Variants in TSPEAR observed in about 807,000 individuals in gnomAD.
The protein encoded by TSPEAR is thrombospondin-type laminin G domain and EAR repeat-containing protein.
TSPEAR carries 69 observed loss-of-function variants against 71.6 expected under a neutral mutation model. The observed-to-expected ratio is 0.96, with a 90% CI of 0.79 to 1.18. The LOEUF (loss-of-function observed/expected upper bound fraction) is 1.18. Ranked by LOEUF, TSPEAR falls within the 50% of genes most tolerant of loss-of-function variation. The pLI is 0.00. For missense variants in TSPEAR, 971 were observed against 894.9 expected (o/e 1.09, Z -1.09); for synonymous variants, 402 against 387.2 (o/e 1.04, Z -0.45).
intron 2 of TSPEAR, among the ~76,000 whole-genome samples, chr21:44,547,442 T>C (rs1555917844): frequency 6.6e-6 from 1 of 152,232 alleles, no homozygotes; most frequent in African/African-American, 2.4e-5. Flanking sequence ...CTCATATTTC[T>C]TCCCACTTTG....
chr21:44,611,207 T>C (rs1601483780), intron 1 of TSPEAR, among the ~76,000 whole-genome samples: 1 of 152,282 alleles, frequency 6.6e-6, no homozygotes, highest in Non-Finnish European at 1.5e-5. Flanking sequence ...CAGAATGATA[T>C]GGTTTGGCTG....
chr21:44,601,836 C>A, intron 1 of TSPEAR: 1 of 1,433,818 alleles, frequency 7.0e-7, no homozygotes, highest in East Asian at 2.4e-5. Flanking sequence ...CTAAGCCCTG[C>A]AGTGGACGTC....
intron 1 of TSPEAR, among the ~76,000 whole-genome samples, chr21:44,655,086 T>C (rs182010762): frequency 6.6e-6 from 1 of 152,212 alleles, no homozygotes; most frequent in Non-Finnish European, 1.5e-5. Context: ...ATAATAATGA[T>C]GATTATTGAG....
At chr21:44,595,007 A>G (rs1395772324) in intron 1 of TSPEAR, among the ~76,000 whole-genome samples, 1 of 151,916 alleles carries the variant, frequency 6.6e-6, no homozygotes, top group Non-Finnish European at 1.5e-5. Context: ...TTTTTAGTAG[A>G]GACAGGGTTT....
intron 1 of TSPEAR, among the ~76,000 whole-genome samples, chr21:44,674,166 A>C (rs1430504448): frequency 6.6e-6 from 1 of 151,892 alleles, no homozygotes; most frequent in Non-Finnish European, 1.5e-5. Context: ...CCAATGATGC[A>C]CCTCAAGGAA....
chr21:44,678,600 A>C (rs56019874), intron 1 of TSPEAR, among the ~76,000 whole-genome samples: 7,259 of 152,278 alleles, frequency 0.048, 194 homozygotes, highest in Middle Eastern at 0.13. Flanking sequence ...ACACCTATTC[A>C]ACATAGTACT....
At chr21:44,696,006 G>A (rs76471287) in intron 1 of TSPEAR, among the ~76,000 whole-genome samples, 1,730 of 152,242 alleles carry the variant, frequency 0.011, 29 homozygotes, top group African/African-American at 0.04. Flanking sequence ...AAAGGCTGCC[G>A]AATGTCTTCT....
chr21:44,696,862 G>A (rs1452335239), intron 1 of TSPEAR, among the ~76,000 whole-genome samples: 3 of 152,150 alleles, frequency 2.0e-5, no homozygotes, highest in East Asian at 3.8e-4. Context: ...GCTAAGCTAC[G>A]CTACACGGTT....
At chr21:44,587,166 G>C (rs426512) in intron 1 of TSPEAR, among the ~76,000 whole-genome samples, 143,938 of 152,278 alleles carry the variant, frequency 0.95, 68,173 homozygotes, top group Non-Finnish European at 0.97. Context: ...AAAGCTCCTA[G>C]AACTGATAAA....
chr21:44,542,766 A>G (rs1332926992), intron 2 of TSPEAR, among the ~76,000 whole-genome samples: 1 of 150,740 alleles, frequency 6.6e-6, no homozygotes, highest in Non-Finnish European at 1.5e-5. Flanking sequence ...AAAGAAAAAG[A>G]AAAGAAAAAA....
At position 44,574,113 on chromosome 21, in the gene TSPEAR, T is replaced by C. The variant is rs79601471; in HGVS notation, c.83-6108A>G. 6.9e-3 allele frequency: 10,897 copies of C among 1,589,926 alleles called. 32 individuals carry two copies. In the African/African-American group the frequency reaches 0.14, roughly 20 times the overall value. On this transcript the variant is annotated intron_variant, in intron 1 of 11. Transcript: ENST00000323084. ...CGTGCCCGTCTGCTGCAAGACTGTC[T>C]GCTGCAAGCCTGTGTGCTGTGTGCC...
intron 1 of TSPEAR, among the ~76,000 whole-genome samples, chr21:44,588,701 T>TATATTTATAC (rs61198070): frequency 3.5e-5 from 5 of 143,028 alleles, no homozygotes; most frequent in African/African-American, 5.1e-5. Flanking sequence ...TATATATTTA[T>TATATTTATAC]ATATATAAAC....
rs186684760 is a variant in TSPEAR at position 44,501,471 on chromosome 21, C to T, written c.1857-1535G>A. Reference sequence around the variant, plus strand: ...AATTAGCCAGGTGTGGTGGCAGGTGCCTGTAGTCCCAGCTACTCAGGAGGC... The same window carrying T: ...AATTAGCCAGGTGTGGTGGCAGGTGTCTGTAGTCCCAGCTACTCAGGAGGC... On this transcript the variant is annotated intron_variant, in intron 11 of 11. Transcript: ENST00000323084. 3.3e-5 allele frequency among the ~76,000 whole-genome samples: 5 copies of T among 152,314 alleles called. No individual in the cohort carries two copies. In the East Asian group the frequency reaches 9.6e-4, roughly 29 times the overall value.
At chr21:44,641,670 G>C (rs1218884569) in intron 1 of TSPEAR, among the ~76,000 whole-genome samples, 2 of 152,220 alleles carry the variant, frequency 1.3e-5, no homozygotes, top group Non-Finnish European at 2.9e-5. Flanking sequence ...TGACGAGGGA[G>C]GGGTCTGGTG....
rs587761930 is a variant in TSPEAR at position 44,564,012 on chromosome 21, C to A, written c.303+3773G>T. ...GGCCATTTTAAACAGTAAAGTCACC[C>A]AAAAAATCACAAAAATGTGAAAATG... On this transcript the variant is annotated intron_variant, in intron 2 of 11. Coordinates refer to ENST00000323084, the MANE Select transcript of TSPEAR (RefSeq NM_144991.3). Among the ~76,000 whole-genome samples, 5 of 151,014 alleles carry A rather than the reference C, an allele frequency of 3.3e-5. No homozygotes were observed. The East Asian group carries it at 9.8e-4, about 29-fold the overall frequency.
intron 1 of TSPEAR, among the ~76,000 whole-genome samples, chr21:44,688,446 C>T (rs1394112210): frequency 2.6e-5 from 4 of 152,254 alleles, no homozygotes; most frequent in South Asian, 2.1e-4. Context: ...GACGGCCGGG[C>T]GCGGTGGCTC....
intron 2 of TSPEAR, among the ~76,000 whole-genome samples, chr21:44,555,550 C>T (rs1372802155): frequency 1.3e-5 from 2 of 152,210 alleles, no homozygotes; most frequent in African/African-American, 2.4e-5. Context: ...CTTGGCTAGG[C>T]CAGCTGGCCA....
intron 4 of TSPEAR, 108 bp from the exon 5 acceptor site, chr21:44,530,062 G>T: frequency 8.4e-6 from 10 of 1,189,544 alleles, no homozygotes; most frequent in Non-Finnish European, 1.1e-5. Flanking sequence ...GGCTCGGGTG[G>T]ATGGAATCTA....
rs1196812206 is a variant in TSPEAR at position 44,699,317 on chromosome 21, C to T, written c.82+12116G>A. ...ATCACTTGAGCCTGGGAGATCAAGG[C>T]TGCAGTGAGATATGATTGAGCCACT... On this transcript the variant is annotated intron_variant, in intron 1 of 11. Transcript: ENST00000323084. Among the ~76,000 whole-genome samples, 6 of 134,572 alleles carry T rather than the reference C, an allele frequency of 4.5e-5. No individual in the cohort carries two copies. In the Admixed American group the frequency reaches 5.3e-4, roughly 12 times the overall value. 88.3% of individuals were successfully genotyped at this position (134,572 alleles called of 152,430 possible).
Sources: gnomAD v4.1 joint callset for allele counts (sites outside exome capture counted in the v4.1 genomes callset) on GRCh38, gnomAD v4.1.1 for gene constraint, MANE v1.5 for transcripts, NCBI Gene and HGNC (gene_info 2026-07-23, HGNC 2026-07-21) for gene names.